The following FAM227B variants were observed in gnomAD, a reference collection of about 807,000 sequenced individuals.
FAM227B encodes protein FAM227B.
A neutral mutation model predicts 73.8 loss-of-function variants in FAM227B; 88 were observed. The ratio of observed to expected loss-of-function variants is 1.19; its 90% CI spans 1.00 to 1.42. The LOEUF is 1.42. FAM227B is among the 40% of genes most tolerant of loss of function. FAM227B has a pLI of 0.00. For synonymous variants in FAM227B, 210 were observed against 190.5 expected, an observed-to-expected ratio of 1.10 and a Z score of -0.84; for missense variants, 632 against 590.9, an observed-to-expected ratio of 1.07 and a Z score of -0.72.
At chr15:49,532,158 A>C (rs1018717836) in intron 10 of FAM227B, among the ~76,000 whole-genome samples, 1 of 151,218 alleles carries the variant, frequency 6.6e-6, no homozygotes, top group Admixed American at 6.6e-5. Context: ...GGGTTTTTGA[A>C]TGGCTTGGGA....
intron 10 of FAM227B, among the ~76,000 whole-genome samples, chr15:49,530,663 T>A (rs1313917026): frequency 6.6e-6 from 1 of 151,776 alleles, no homozygotes; most frequent in Non-Finnish European, 1.5e-5. Flanking sequence ...GCTCCAATAT[T>A]AAATTATTAG....
intron 13 of FAM227B, chr15:49,366,692 G>C (rs8033184): frequency 0.3 from 428,940 of 1,437,610 alleles, 68,649 homozygotes; most frequent in Non-Finnish European, 0.33. Flanking sequence ...CATCGGACTG[G>C]TGGGTGGCGG....
At chr15:49,588,586 T>A (rs1487088540) in intron 4 of FAM227B, among the ~76,000 whole-genome samples, 5 of 93,354 alleles carry the variant, frequency 5.4e-5, no homozygotes, top group East Asian at 2.6e-4. Context: ...TATATATATA[T>A]ATATATATAT....
intron 11 of FAM227B, among the ~76,000 whole-genome samples, chr15:49,457,455 A>G (rs1221358778): frequency 6.6e-6 from 1 of 152,038 alleles, no homozygotes; most frequent in Admixed American, 6.6e-5. Flanking sequence ...AAACAGGAAA[A>G]TCAAGAGGAC....
intron 9 of FAM227B, among the ~76,000 whole-genome samples, chr15:49,557,262 C>T (rs1210544128): frequency 1.3e-5 from 2 of 151,740 alleles, no homozygotes; most frequent in Non-Finnish European, 2.9e-5. Context: ...TTTCTTATAA[C>T]TTGCTTTTGG....
chr15:49,327,970 G>T lies in FAM227B; in HGVS notation c.*598C>A. Reference sequence around the variant, plus strand: ...GTTTTAGGAAGTTTGGGGCTCAAGGGTCACGACTTACTGGAGCAGGATGGG... The same window carrying T: ...GTTTTAGGAAGTTTGGGGCTCAAGGTTCACGACTTACTGGAGCAGGATGGG... On this transcript the variant is annotated 3_prime_UTR_variant, in exon 16 of 16. Coordinates refer to ENST00000299338, the MANE Select transcript of FAM227B (RefSeq NM_152647.3). 6.2e-7 allele frequency: 1 copy of T among 1,613,176 alleles called. No individual in the cohort carries two copies. Among genetic ancestry groups the T allele is most frequent in the Non-Finnish European group, 8.5e-7 (1 of 1,179,382 alleles).
chr15:49,587,892 T>C (rs190599411), intron 5 of FAM227B, 124 bp downstream of exon 5: 58 of 827,172 alleles, frequency 7.0e-5, no homozygotes, highest in African/African-American at 6.7e-4. Flanking sequence ...TAGAGATAGA[T>C]TGGTAACAGT....
intron 3 of FAM227B, among the ~76,000 whole-genome samples, chr15:49,591,805 T>C (rs2152413930): frequency 6.6e-6 from 1 of 152,184 alleles, no homozygotes; most frequent in Non-Finnish European, 1.5e-5. Flanking sequence ...CTGAATAATA[T>C]TCTATTTTGT....
intron 11 of FAM227B, among the ~76,000 whole-genome samples, chr15:49,447,130 A>C (rs2052295304): frequency 6.6e-6 from 1 of 151,642 alleles, no homozygotes; most frequent in Admixed American, 6.6e-5. Flanking sequence ...TCCTACACTG[A>C]TATAAGGCTT....
At chr15:49,530,415 A>G (rs2060521760) in intron 10 of FAM227B, among the ~76,000 whole-genome samples, 1 of 151,890 alleles carries the variant, frequency 6.6e-6, no homozygotes, top group South Asian at 2.1e-4. Flanking sequence ...AGTTCTAACT[A>G]AAGTAAACAA....
Position 49,496,922 on chromosome 15 carries a change from T to C in FAM227B, c.1012+11289A>G, listed in dbSNP as rs953149388. On this transcript the variant is annotated intron_variant, in intron 11 of 15. Transcript: ENST00000299338. ...CAGCACACAGAATAAGGTTTTAGTATACACAAAGTCACACACACACACACA... is the reference window on the plus strand; with the variant it reads ...CAGCACACAGAATAAGGTTTTAGTACACACAAAGTCACACACACACACACA... Among the ~76,000 whole-genome samples the C allele has an allele frequency of 4.7e-5, 7 of 150,178 alleles. No individual in the cohort carries two copies. In the East Asian group the frequency reaches 1.4e-3, roughly 29 times the overall value.
chr15:49,388,217 C>G (rs2151556312), intron 11 of FAM227B, among the ~76,000 whole-genome samples: 1 of 151,884 alleles, frequency 6.6e-6, no homozygotes, highest in South Asian at 2.1e-4. Context: ...CATCACATTA[C>G]CGGACTTCAA....
intron 11 of FAM227B, among the ~76,000 whole-genome samples, chr15:49,503,767 C>T (rs1383675895): frequency 4.6e-5 from 7 of 152,140 alleles, no homozygotes; most frequent in Admixed American, 2.6e-4. Context: ...ATTAAAAAGT[C>T]AGGAAACAAC....
intron 1 of FAM227B, 61 bp from the exon 2 acceptor site, chr15:49,615,304 C>T: frequency 1.3e-6 from 1 of 764,650 alleles, no homozygotes; most frequent in Middle Eastern, 2.3e-4. Context: ...ATCCCTTTCC[C>T]CTCACCCACA....
chr15:49,538,018 C>T (rs1216125447), intron 10 of FAM227B, among the ~76,000 whole-genome samples: 1 of 152,022 alleles, frequency 6.6e-6, no homozygotes, highest in African/African-American at 2.4e-5. Flanking sequence ...CATTAATGTA[C>T]TAGTTAATAA....
chr15:49,581,330 CTTT>C (rs752126650), intron 5 of FAM227B, among the ~76,000 whole-genome samples: 2 of 144,138 alleles, frequency 1.4e-5, no homozygotes, highest in Admixed American at 7.0e-5. Flanking sequence ...ATTCAGTATT[CTTT>C]TTTTTTTTTT....
chr15:49,591,763 G>A (rs2076593683), intron 3 of FAM227B, among the ~76,000 whole-genome samples: 1 of 152,060 alleles, frequency 6.6e-6, no homozygotes, highest in Admixed American at 6.5e-5. Context: ...GCGATTACAG[G>A]CATGAGCCAC....
intron 10 of FAM227B, among the ~76,000 whole-genome samples, chr15:49,536,522 C>T (rs866125458): frequency 1.9e-4 from 29 of 151,912 alleles, no homozygotes; most frequent in African/African-American, 6.5e-4. Context: ...CAATCTCTAA[C>T]AAAATCTTAA....
chr15:49,565,517 A>C (rs987111849), intron 9 of FAM227B, among the ~76,000 whole-genome samples: 1 of 152,196 alleles, frequency 6.6e-6, no homozygotes, highest in Non-Finnish European at 1.5e-5. Context: ...TTTTATATTA[A>C]AGACAAATTG....
Sources: allele counts gnomAD v4.1 joint callset (sites outside exome capture counted in the v4.1 genomes callset), GRCh38; gene constraint gnomAD v4.1.1; transcripts MANE v1.5; gene names NCBI Gene and HGNC (gene_info 2026-07-23, HGNC 2026-07-21).